PTPRG: variants seen among roughly 807,000 people sequenced by gnomAD.
PTPRG encodes protein tyrosine phosphatase receptor type G.
In PTPRG, 102 loss-of-function variants were observed where a neutral mutation model predicts 165.3. The ratio of observed to expected loss-of-function variants is 0.62; its 90% confidence interval spans 0.53 to 0.73. The LOEUF (loss-of-function observed/expected upper bound fraction) is 0.73, where lower values mean the gene tolerates loss of function less well. Ranked by LOEUF, PTPRG falls within the 30% of genes least tolerant of loss-of-function variation. The pLI is 0.00. For synonymous variants in PTPRG, 675 were observed against 669.5 expected (o/e 1.01, Z -0.13); for missense variants, 1,866 against 1,861.4 (o/e 1.00, Z -0.05).
intron 2 of PTPRG, among the ~76,000 whole-genome samples, chr3:61,957,476 T>C (rs534388004): frequency 2.1e-4 from 32 of 152,370 alleles, no homozygotes; most frequent in African/African-American, 7.2e-4. Flanking sequence ...ACTCCACAAA[T>C]TTATTGACTT....
At chr3:62,066,044 C>T (rs190355351) in intron 4 of PTPRG, among the ~76,000 whole-genome samples, 130 of 152,162 alleles carry the variant, frequency 8.5e-4, no homozygotes, top group African/African-American at 3.0e-3. Flanking sequence ...ATGTAGTTTT[C>T]CAGATAAAAG....
chr3:61,949,895 C>T (rs981119665), intron 2 of PTPRG, among the ~76,000 whole-genome samples: 4 of 152,122 alleles, frequency 2.6e-5, no homozygotes, highest in African/African-American at 9.6e-5. Flanking sequence ...CTACAGGCAC[C>T]CGCCACCGTG....
At chr3:62,063,761 C>T (rs1700903464) in intron 4 of PTPRG, among the ~76,000 whole-genome samples, 1 of 152,146 alleles carries the variant, frequency 6.6e-6, no homozygotes, top group African/African-American at 2.4e-5. Context: ...CCTCATCCTC[C>T]CAAAATGCTG....
At chr3:61,751,529 AGTGTGTGAGAG>A (rs1301125244) in intron 2 of PTPRG, among the ~76,000 whole-genome samples, 1 of 152,112 alleles carries the variant, frequency 6.6e-6, no homozygotes, top group Non-Finnish European at 1.5e-5. Context: ...TTAGGGGTGC[AGTGTGTGAGAG>A]TATGAATTTT....
intron 4 of PTPRG, among the ~76,000 whole-genome samples, chr3:62,064,369 A>G (rs1700929249): frequency 6.6e-6 from 1 of 152,134 alleles, no homozygotes; most frequent in Admixed American, 6.5e-5. Flanking sequence ...ATGTGATCAC[A>G]GTGTATTTAT....
intron 1 of PTPRG, among the ~76,000 whole-genome samples, chr3:61,671,306 C>A (rs1036100815): frequency 8.6e-5 from 13 of 151,712 alleles, no homozygotes; most frequent in Non-Finnish European, 1.3e-4. Context: ...GTGTTTGTGT[C>A]CCTGGGTACT....
intron 26 of PTPRG, 25 bp from the exon 27 acceptor site, chr3:62,281,538 C>CTTTGTTTTTTTTTTTT: frequency 1.6e-6 from 1 of 620,526 alleles, no homozygotes; most frequent in Non-Finnish European, 2.1e-6. Context: ...ACTGCAGAGG[C>CTTTGTTTTTTTTTTTT]TTTTTTTTTT....
At chr3:61,948,650 A>C (rs2039823662) in intron 2 of PTPRG, among the ~76,000 whole-genome samples, 1 of 152,134 alleles carries the variant, frequency 6.6e-6, no homozygotes, top group Non-Finnish European at 1.5e-5. Flanking sequence ...TCTATTAGAG[A>C]AAAGGAAGGG....
At chr3:62,026,215 A>G (rs1476071599) in intron 4 of PTPRG, among the ~76,000 whole-genome samples, 1 of 152,198 alleles carries the variant, frequency 6.6e-6, no homozygotes, top group Non-Finnish European at 1.5e-5. Flanking sequence ...GACTGTATTA[A>G]ATGTTGACCT....
chr3:61,848,055 A>G (rs368292535), intron 2 of PTPRG, among the ~76,000 whole-genome samples: 1 of 152,208 alleles, frequency 6.6e-6, no homozygotes, highest in East Asian at 1.9e-4. Flanking sequence ...TTGTTACTCT[A>G]GTTGATGAGT....
At chr3:61,714,672 G>GA (rs2031725188) in intron 1 of PTPRG, among the ~76,000 whole-genome samples, 1 of 152,168 alleles carries the variant, frequency 6.6e-6, no homozygotes, top group Non-Finnish European at 1.5e-5. Flanking sequence ...AGGATCATAT[G>GA]TTTGCTAAAC....
At chr3:61,727,791 G>T (rs2032325634) in intron 1 of PTPRG, among the ~76,000 whole-genome samples, 1 of 152,158 alleles carries the variant, frequency 6.6e-6, no homozygotes, top group Admixed American at 6.5e-5. Context: ...ATAATTTAAG[G>T]TGAGCTTGTT....
intron 1 of PTPRG, among the ~76,000 whole-genome samples, chr3:61,606,293 T>G (rs977001676): frequency 6.6e-6 from 1 of 152,176 alleles, no homozygotes; most frequent in African/African-American, 2.4e-5. Flanking sequence ...GCGACGTGGC[T>G]GTCTCCACAA....
At chr3:61,859,085 T>C (rs936978058) in intron 2 of PTPRG, among the ~76,000 whole-genome samples, 70 of 152,296 alleles carry the variant, frequency 4.6e-4, no homozygotes, top group African/African-American at 1.6e-3. Flanking sequence ...TTTAAGACTT[T>C]AAGCAAAATA....
intron 1 of PTPRG, among the ~76,000 whole-genome samples, chr3:61,745,273 T>G (rs1379440719): frequency 1.3e-5 from 2 of 152,130 alleles, no homozygotes; most frequent in African/African-American, 4.8e-5. Context: ...GGTCTCGATC[T>G]CTTGACCTCA....
At chr3:61,813,543 CTGTGTGTGTGTGTGTGTGTGTG>C (rs58097355) in intron 2 of PTPRG, among the ~76,000 whole-genome samples, 62 of 116,916 alleles carry the variant, frequency 5.3e-4, no homozygotes, top group Admixed American at 3.9e-3. Flanking sequence ...AAAAGAAAAT[CTGTGTGTGTGTGTGTGTGTGTG>C]TGTGTGTGTG....
intron 4 of PTPRG, among the ~76,000 whole-genome samples, chr3:62,014,318 T>C (rs758933275): frequency 4.6e-5 from 7 of 152,184 alleles, no homozygotes; most frequent in Non-Finnish European, 1.0e-4. Flanking sequence ...GATACTGCTC[T>C]GGATACGTTT....
intron 1 of PTPRG, among the ~76,000 whole-genome samples, chr3:61,710,139 C>T (rs544185239): frequency 1.3e-5 from 2 of 152,132 alleles, no homozygotes; most frequent in East Asian, 1.9e-4. Flanking sequence ...GCACTAAGCA[C>T]GGAAAACTTT....
intron 2 of PTPRG, among the ~76,000 whole-genome samples, chr3:61,813,644 T>G (rs1209031921): frequency 2.0e-5 from 3 of 150,842 alleles, no homozygotes; most frequent in Admixed American, 2.0e-4. Flanking sequence ...ATGCCTTTAA[T>G]AGCAGTAGTT....
Sources: allele counts gnomAD v4.1 joint callset (sites outside exome capture counted in the v4.1 genomes callset), GRCh38; gene constraint gnomAD v4.1.1; transcripts MANE v1.5; gene names NCBI Gene and HGNC (gene_info 2026-07-23, HGNC 2026-07-21).